The following PRR14L variants were observed in gnomAD, a reference collection of about 807,000 sequenced individuals.
The protein encoded by PRR14L is protein PRR14L.
Under a neutral mutation model 155.0 loss-of-function variants are expected in PRR14L, and 80 were observed. The observed-to-expected ratio is 0.52, with a 90% CI of 0.43 to 0.62. The LOEUF (loss-of-function observed/expected upper bound fraction) is 0.62, where lower values mean the gene tolerates loss of function less well. PRR14L is among the 20% of genes least tolerant of loss of function. The pLI, the probability that PRR14L is intolerant of heterozygous loss-of-function variation, is 0.00. For missense variants in PRR14L, 2,469 were observed against 2,548.0 expected (o/e 0.97, Z 0.67); for synonymous variants, 883 against 916.0 (o/e 0.96, Z 0.65).
Position 31,712,565 on chromosome 22 carries a change from T to C in PRR14L, c.5274A>G (p.Gln1758=). 6.4e-7 allele frequency: 1 copy of C among 1,551,610 alleles called. No homozygotes were observed. The highest frequency in any genetic ancestry group is 1.4e-5 in the African/African-American group (1 of 73,124). ...ALGEALQCPS[Q]PPKWTFSFFL... is the part of the protein sequence containing the mutation. ...AGAAAGAAAAGGTCCACTTGGGAGG[T>C]TGAGACGGGCACTGGAGGGCCTCTC... Residue 1758 remains glutamine (Q), a synonymous_variant, in exon 4 of 9, where the codon CAA becomes CAG. Coordinates refer to ENST00000327423, the MANE Select transcript of PRR14L (RefSeq NM_173566.3).
intron 4 of PRR14L, among the ~76,000 whole-genome samples, chr22:31,707,218 G>C (rs750046961): frequency 6.6e-6 from 1 of 152,050 alleles, no homozygotes; most frequent in Non-Finnish European, 1.5e-5. Context: ...CTAGAAATAG[G>C]GAGGGAAACA....
intron 6 of PRR14L, among the ~76,000 whole-genome samples, chr22:31,702,248 G>T (rs575074887): frequency 8.7e-4 from 133 of 152,070 alleles, no homozygotes; most frequent in African/African-American, 3.1e-3. Flanking sequence ...TTTTGATAGA[G>T]TTTTGTTCTT....
intron 4 of PRR14L, 87 bp downstream of exon 4, chr22:31,711,996 C>T (rs2074625625): frequency 2.4e-6 from 3 of 1,262,178 alleles, no homozygotes; most frequent in South Asian, 2.9e-5. Flanking sequence ...TCTAAATAGC[C>T]TTGCATTTCC....
In PRR14L at chr22:31,738,491, C is replaced by T. The variant is rs2074795142; in HGVS notation, c.370G>A (p.Asp124Asn). ...ATAATTCCTGCCTGGCCCCCTGGAT[C>T]TCTGAAGACCTTTGGCTCCATGCTC... is the stretch of plus-strand genomic sequence containing the variant. ...SESMEPKVFR[D>N]PGGQAGIIRE... Residue 124 changes from aspartate (D) to asparagine (N), a missense_variant, in exon 2 of 9, where the codon GAT becomes AAT. By Grantham distance (23) the Asp-to-Asn change is conservative. This residue lies in a region of PRR14L where 2,363 missense variants were observed against 2,371.6 expected (regional missense o/e 1.00). Transcript: ENST00000327423. The T allele has an allele frequency of 1.9e-6, 3 of 1,552,104 alleles. No homozygotes were observed. The highest frequency in any genetic ancestry group is 2.6e-6 in the Non-Finnish European group (3 of 1,147,084).
chr22:31,743,383 T>G (rs1280945319), intron 1 of PRR14L, among the ~76,000 whole-genome samples: 1 of 152,174 alleles, frequency 6.6e-6, no homozygotes, highest in African/African-American at 2.4e-5. Flanking sequence ...ATAAAAATGT[T>G]CTAAAGTCAA....
intron 2 of PRR14L, among the ~76,000 whole-genome samples, chr22:31,735,374 G>A (rs2074773451): frequency 6.6e-6 from 1 of 151,634 alleles, no homozygotes; most frequent in Non-Finnish European, 1.5e-5. Context: ...CTGGGAGGTG[G>A]AGCTTGCAGT....
chr22:31,709,855 G>A (rs5998103), intron 4 of PRR14L, among the ~76,000 whole-genome samples: 15,791 of 150,950 alleles, frequency 0.1, 1,056 homozygotes, highest in African/African-American at 0.18. Context: ...GGATGGTCTC[G>A]ATCTCTTGAC....
chr22:31,744,324 G>A (rs955241897), intron 1 of PRR14L, among the ~76,000 whole-genome samples: 2 of 152,034 alleles, frequency 1.3e-5, no homozygotes, highest in East Asian at 3.8e-4. Context: ...ATAGAGATGG[G>A]GTTTCTCTAT....
At chr22:31,707,379 G>A (rs2074597902) in intron 4 of PRR14L, among the ~76,000 whole-genome samples, 1 of 151,938 alleles carries the variant, frequency 6.6e-6, no homozygotes. Flanking sequence ...GGAGGAAGTG[G>A]CACAACCTAT....
Position 31,716,118 on chromosome 22 carries a change from C to A in PRR14L, c.1721G>T (p.Ser574Ile). The A allele has an allele frequency of 1.3e-6, 2 of 1,551,362 alleles. No homozygotes were observed. Among genetic ancestry groups the A allele is most frequent in the South Asian group, 2.4e-5 (2 of 84,064 alleles). ...DFLFERKSIV[S>I]LMPEDQISPV... Reference sequence around the variant, plus strand: ...ACTTATTTGATCCTCTGGCATTAAACTCACAATGGATTTTCTTTCAAACAG... The same window carrying A: ...ACTTATTTGATCCTCTGGCATTAAAATCACAATGGATTTTCTTTCAAACAG... Residue 574 changes from serine (S) to isoleucine (I), a missense_variant, in exon 4 of 9, where the codon AGT (serine) becomes ATT (isoleucine). Physicochemically the swap from Ser to Ile is moderately radical, Grantham distance 142 (BLOSUM62 -2). This residue lies in a region of PRR14L where 2,363 missense variants were observed against 2,371.6 expected (regional missense o/e 1.00). Transcript: ENST00000327423.
rs5749328 is a variant in PRR14L, at chr22:31,739,747, G to A, written c.-51-836C>T. On this transcript the variant is annotated intron_variant, in intron 1 of 8. Coordinates refer to ENST00000327423, the MANE Select transcript of PRR14L (RefSeq NM_173566.3). Reference sequence around the variant, plus strand: ...GAGAGAAAGAGCTTCCACTGTGTTCGTAATGTTTCATTTCTTGCAGTGAAT... The same window carrying A: ...GAGAGAAAGAGCTTCCACTGTGTTCATAATGTTTCATTTCTTGCAGTGAAT... 0.019 allele frequency among the ~76,000 whole-genome samples: 2,920 copies of A among 152,262 alleles called. 391 individuals are homozygous for A. The East Asian group carries it at 0.34, about 18-fold the overall frequency.
chr22:31,726,909 G>A (rs537808946), intron 2 of PRR14L, among the ~76,000 whole-genome samples: 3 of 151,532 alleles, frequency 2.0e-5, no homozygotes, highest in Admixed American at 6.8e-5. Context: ...TATCCATCCC[G>A]TTCTGTGAGA....
chr22:31,713,225 C>G lies in PRR14L; in HGVS notation c.4614G>C (p.Gly1538=). The G allele has an allele frequency of 6.4e-7, 1 of 1,551,892 alleles. No individual in the cohort carries two copies. The highest frequency in any genetic ancestry group is 8.7e-7 in the Non-Finnish European group (1 of 1,147,032). ...KVSYQEQIIV[G]RKIGKIRSSA... ...AACTTCTGATTTTACCTATTTTTCT[C>G]CCAACAATGATTTGCTCCTGATAGG... Residue 1538 remains glycine (G), a synonymous_variant, in exon 4 of 9, where the codon GGG becomes GGC. Coordinates refer to ENST00000327423, the MANE Select transcript of PRR14L (RefSeq NM_173566.3).
At position 31,714,415 on chromosome 22, in the gene PRR14L, C is replaced by G. The variant is rs1437530528; in HGVS notation, c.3424G>C (p.Asp1142His). Reference sequence around the variant, plus strand: ...TCTGGACACTTTTCCATTTCACAGTCTTTTAAAGATCTGCATACGTTTTCT... The same window carrying G: ...TCTGGACACTTTTCCATTTCACAGTGTTTTAAAGATCTGCATACGTTTTCT... The part of the protein sequence containing the change: ...CEENVCRSLK[D>H]CEMEKCPDSC... Residue 1142 changes from aspartate to histidine, a missense_variant, in exon 4 of 9, where the codon GAC becomes CAC. Coordinates refer to ENST00000327423, the MANE Select transcript of PRR14L (RefSeq NM_173566.3). 1 of 1,551,664 alleles carries G rather than the reference C, an allele frequency of 6.4e-7. No homozygotes were observed. The highest frequency in any genetic ancestry group is 8.7e-7 in the Non-Finnish European group (1 of 1,146,988).
chr22:31,694,135 A>ATTTT (rs1432068577), intron 7 of PRR14L, among the ~76,000 whole-genome samples: 5 of 151,942 alleles, frequency 3.3e-5, no homozygotes, highest in African/African-American at 1.2e-4. Flanking sequence ...AAATTAGCCG[A>ATTTT]TGTGGTAGTA....
chr22:31,746,457 A>G (rs2074838292), intron 1 of PRR14L, among the ~76,000 whole-genome samples: 1 of 152,234 alleles, frequency 6.6e-6, no homozygotes, highest in South Asian at 2.1e-4. Flanking sequence ...ATGCTTATAA[A>G]ATGTAGACAG....
At chr22:31,721,008 C>T (rs1478961675) in intron 3 of PRR14L, among the ~76,000 whole-genome samples, 1 of 152,204 alleles carries the variant, frequency 6.6e-6, no homozygotes, top group African/African-American at 2.4e-5. Context: ...TTATAGGGAA[C>T]TCTCTGAAAA....
intron 3 of PRR14L, among the ~76,000 whole-genome samples, chr22:31,718,765 A>T (rs1319888227): frequency 1.4e-5 from 2 of 141,094 alleles, no homozygotes; most frequent in African/African-American, 5.7e-5. Flanking sequence ...AAACAGAAAA[A>T]GCAAAATGCA....
In PRR14L at chr22:31,712,319, G is replaced by A; in HGVS notation, c.5520C>T (p.Ser1840=). The A allele has an allele frequency of 6.2e-7, 1 of 1,614,146 alleles. No individual in the cohort carries two copies. Among genetic ancestry groups the A allele is most frequent in the African/African-American group, 1.3e-5 (1 of 75,050 alleles). ...GCATGGTAGGCATGTGGCTGGAGAA[G>A]CTCCGTTTTTTTGTCCAGATTCGGT... ...GCYRIWTKKR[S]FSSHMPTMQR... is the part of the protein sequence containing the mutation. The change falls in exon 4 of 9, where the codon AGC becomes AGT. Residue 1840 remains serine (S), a synonymous_variant. Coordinates refer to ENST00000327423, the MANE Select transcript of PRR14L (RefSeq NM_173566.3).
Sources: allele counts gnomAD v4.1 joint callset (sites outside exome capture counted in the v4.1 genomes callset), GRCh38; gene constraint gnomAD v4.1.1; regional missense constraint gnomAD v4.1.1; transcripts MANE v1.5; gene names NCBI Gene and HGNC (gene_info 2026-07-23, HGNC 2026-07-21).